PCDHGA8: variants seen among roughly 807,000 people sequenced by gnomAD.
PCDHGA8 encodes the protein protocadherin gamma-A8.
PCDHGA8 carries 45 observed loss-of-function variants against 59.2 expected under a neutral mutation model. That is an observed-to-expected ratio of 0.76 (90% CI 0.60 to 0.98). The LOEUF is 0.98. PCDHGA8 is among the 50% of genes least tolerant of loss of function. The pLI is 0.00. For missense variants in PCDHGA8, 1,257 were observed against 1,196.2 expected (o/e 1.05, Z -0.75); for synonymous variants, 531 against 519.0 (o/e 1.02, Z -0.32).
intron 3 of PCDHGA8, 46 bp downstream of exon 3, chr5:141,505,527 T>C: frequency 6.2e-7 from 1 of 1,612,388 alleles, no homozygotes; most frequent in Non-Finnish European, 8.5e-7. Context: ...GACCTGGGGT[T>C]CTGGGGTGCA....
In PCDHGA8 at chr5:141,489,183, G is replaced by A. The variant is rs2099683673; in HGVS notation, c.2425-5624G>A. 7.9e-7 allele frequency: 1 copy of A among 1,270,400 alleles called. No individual in the cohort carries two copies. Among genetic ancestry groups the A allele is most frequent in the Non-Finnish European group, 1.1e-6 (1 of 913,958 alleles). The allele number at this position is 1,270,400 out of a possible 1,614,324, so 78.7% of individuals were successfully genotyped here. A position where few individuals can be genotyped will look rare whatever the true frequency, so the allele number is the denominator to read the frequency against. ...TTCAGCTGCTGCATTCCAAGCCCTGGGTCTACCTTGGAGACAGGACAGCAC... is the reference window on the plus strand; with the variant it reads ...TTCAGCTGCTGCATTCCAAGCCCTGAGTCTACCTTGGAGACAGGACAGCAC... On this transcript the variant is annotated intron_variant, in intron 1 of 3. Transcript: ENST00000398604. The surrounding 1 kb of genome is among the most constrained non-coding windows in gnomAD (Gnocchi z 4.5).
chr5:141,481,362 A>G (rs2099536613), intron 1 of PCDHGA8, among the ~76,000 whole-genome samples: 1 of 152,252 alleles, frequency 6.6e-6, no homozygotes, highest in African/African-American at 2.4e-5. Context: ...CAGCTGTTCA[A>G]TAGATATTGG....
intron 1 of PCDHGA8, chr5:141,415,035 C>T (rs368588973): frequency 8.9e-5 from 143 of 1,613,460 alleles, no homozygotes; most frequent in Non-Finnish European, 1.1e-4. Flanking sequence ...AGCCGGGACT[C>T]TTCGCGGTGG....
Position 141,418,518 on chromosome 5 carries a change from C to G in PCDHGA8, c.2424+23281C>G. Reference sequence around the variant, plus strand: ...CTGACCGCCTTAGATGGTGGGGACCCTCCCCGAAGCGGTACTGCTCAGATA... The same window carrying G: ...CTGACCGCCTTAGATGGTGGGGACCGTCCCCGAAGCGGTACTGCTCAGATA... On this transcript the variant is annotated intron_variant, in intron 1 of 3. Coordinates refer to ENST00000398604, the MANE Select transcript of PCDHGA8 (RefSeq NM_032088.2). The G allele has an allele frequency of 2.5e-6, 4 of 1,613,986 alleles. 1 individual carries two copies.
At chr5:141,449,212 GT>G (rs1405401595) in intron 1 of PCDHGA8, among the ~76,000 whole-genome samples, 1 of 152,134 alleles carries the variant, frequency 6.6e-6, no homozygotes, top group African/African-American at 2.4e-5. Context: ...CTAACTTTCT[GT>G]TTTGAAATGA....
chr5:141,504,200 G>C (rs1232187138), intron 2 of PCDHGA8, among the ~76,000 whole-genome samples: 1 of 152,154 alleles, frequency 6.6e-6, no homozygotes, highest in Non-Finnish European at 1.5e-5. Context: ...TTGTCACTGT[G>C]GGAAAATTCC....
intron 1 of PCDHGA8, chr5:141,422,641 A>G (rs557969590): frequency 1.2e-6 from 2 of 1,612,356 alleles, no homozygotes; most frequent in Admixed American, 1.7e-5. Context: ...GGGTGCCTCC[A>G]TCTTCTCAGT....
At chr5:141,460,908 T>C (rs550367008) in intron 1 of PCDHGA8, among the ~76,000 whole-genome samples, 2,136 of 133,318 alleles carry the variant, frequency 0.016, 43 homozygotes, top group African/African-American at 0.062. Flanking sequence ...TAATATTCCA[T>C]GGTGTATATA....
In PCDHGA8 at chr5:141,450,141, G is replaced by A. The variant is rs762961199; in HGVS notation, c.2425-44666G>A. On this transcript the variant is annotated intron_variant, in intron 1 of 3. Transcript: ENST00000398604. ...CCTGCCTTAGCCTCCTGAGTAGCTG[G>A]GACTACAGGCATGTGCCACCACACT... Among the ~76,000 whole-genome samples, 401 of 151,622 alleles carry A rather than the reference G, an allele frequency of 2.6e-3. 1 individual carries two copies. The highest frequency in any genetic ancestry group is 3.8e-3 in the Non-Finnish European group (260 of 67,912).
intron 1 of PCDHGA8, chr5:141,414,617 T>C: frequency 6.2e-7 from 1 of 1,614,002 alleles, no homozygotes; most frequent in Non-Finnish European, 8.5e-7. Flanking sequence ...GTGACAGCGC[T>C]GGACCCGGAC....
chr5:141,422,286 T>C, intron 1 of PCDHGA8: 2 of 1,554,938 alleles, frequency 1.3e-6, no homozygotes, highest in Non-Finnish European at 1.7e-6. Flanking sequence ...TCACCTCTTC[T>C]ATTAATTCAA....
Position 141,429,458 on chromosome 5 carries a change from T to C in PCDHGA8, c.2424+34221T>C, listed in dbSNP as rs561407449. 1.6e-4 allele frequency among the ~76,000 whole-genome samples: 25 copies of C among 152,210 alleles called. 1 individual carries two copies. The South Asian group carries it at 4.6e-3, about 28-fold the overall frequency. ...TCAAACTCTTGGGCTACAGTAATCC[T>C]CCCACCTCAATCTCCAGAGTAGCTG... On this transcript the variant is annotated intron_variant, in intron 1 of 3. Transcript: ENST00000398604.
rs762238827 is a variant in PCDHGA8 at position 141,487,202 on chromosome 5, C to T, written c.2425-7605C>T. ...CACTCATCCAGTTGTCCCAGATCTT[C>T]GAGAATCTTCAGCTCCAAGGGAAGG... On this transcript the variant is annotated intron_variant, in intron 1 of 3. Coordinates refer to ENST00000398604, the MANE Select transcript of PCDHGA8 (RefSeq NM_032088.2). This position sits in a 1 kb window ranked among gnomAD's most constrained non-coding sequence, Gnocchi z 5.0. 7 of 1,613,660 alleles carry T rather than the reference C, an allele frequency of 4.3e-6. No homozygotes were observed. The highest frequency in any genetic ancestry group is 1.7e-5 in the Admixed American group (1 of 59,992).
At chr5:141,474,964 CATT>C (rs1489874965) in intron 1 of PCDHGA8, among the ~76,000 whole-genome samples, 1 of 152,216 alleles carries the variant, frequency 6.6e-6, no homozygotes, top group Non-Finnish European at 1.5e-5. Context: ...CTATCCTAAT[CATT>C]ATAATTTTGT....
intron 1 of PCDHGA8, chr5:141,399,420 C>T (rs1257006819): frequency 1.9e-6 from 3 of 1,614,034 alleles, no homozygotes; most frequent in Non-Finnish European, 2.5e-6. Flanking sequence ...TCTCCTCCAG[C>T]ATAAGCGTCA....
In PCDHGA8 at chr5:141,476,264, G is replaced by A. The variant is rs753184649; in HGVS notation, c.2425-18543G>A. The A allele has an allele frequency of 2.5e-6, 4 of 1,614,082 alleles. No individual in the cohort carries two copies. The highest frequency in any genetic ancestry group is 3.4e-6 in the Non-Finnish European group (4 of 1,180,010). Reference sequence around the variant, plus strand: ...AGAGAAGGGTTTCGCTGTGGGCAACGTGGTCGCGAACCTTGGTTTGGATCT... The same window carrying A: ...AGAGAAGGGTTTCGCTGTGGGCAACATGGTCGCGAACCTTGGTTTGGATCT... On this transcript the variant is annotated intron_variant, in intron 1 of 3. Coordinates refer to ENST00000398604, the MANE Select transcript of PCDHGA8 (RefSeq NM_032088.2). The surrounding 1 kb of genome is among the most constrained non-coding windows in gnomAD (Gnocchi z 7.6).
At chr5:141,427,957 C>A in intron 1 of PCDHGA8, 2 of 1,588,400 alleles carry the variant, frequency 1.3e-6, no homozygotes, top group Non-Finnish European at 1.7e-6. Flanking sequence ...GACAATGTGC[C>A]GCGGGTGCTG....
chr5:141,477,351 G>A lies in PCDHGA8; in HGVS notation c.2425-17456G>A. 6.2e-7 allele frequency: 1 copy of A among 1,614,126 alleles called. No homozygotes were observed. The highest frequency in any genetic ancestry group is 8.5e-7 in the Non-Finnish European group (1 of 1,180,018). On this transcript the variant is annotated intron_variant, in intron 1 of 3. Transcript: ENST00000398604. This position sits in a 1 kb window ranked among gnomAD's most constrained non-coding sequence, Gnocchi z 4.9. ...AAGAATTACTTCACTTTGAAAACCA[G>A]TGCAGACCTGGATCGGGAGACTGTG...
At chr5:141,430,842 G>A (rs935750449) in intron 1 of PCDHGA8, 4 of 1,567,068 alleles carry the variant, frequency 2.6e-6, no homozygotes, top group Non-Finnish European at 3.4e-6. Flanking sequence ...GAGACCGGAT[G>A]CACCCAGATA....
Sources: allele counts gnomAD v4.1 joint callset (sites outside exome capture counted in the v4.1 genomes callset), GRCh38; gene constraint gnomAD v4.1.1; non-coding constraint Gnocchi (gnomAD v3.1); transcripts MANE v1.5; gene names NCBI Gene and HGNC (gene_info 2026-07-23, HGNC 2026-07-21).